PLB1: variants seen among roughly 807,000 people sequenced by gnomAD.
The protein encoded by PLB1 is phospholipase B1, membrane-associated.
In PLB1, 242 loss-of-function variants were observed where a neutral mutation model predicts 227.4. The observed-to-expected ratio is 1.06, with a 90% CI of 0.96 to 1.18. PLB1 has a LOEUF of 1.18. PLB1 is among the 50% of genes most tolerant of loss of function. The probability of loss-of-function intolerance (pLI) is 0.00; values close to 1 mark genes in which losing one functional copy is unlikely to be tolerated. For missense variants in PLB1, 1,858 were observed against 1,816.3 expected (o/e 1.02, Z -0.42); for synonymous variants, 757 against 682.2 (o/e 1.11, Z -1.71).
chr2:28,545,067 C>T (rs367938523), intron 14 of PLB1, among the ~76,000 whole-genome samples: 43 of 152,282 alleles, frequency 2.8e-4, no homozygotes, highest in African/African-American at 9.6e-4. Context: ...ACCCCACGTA[C>T]GGTCTCTTAA....
chr2:28,627,970 G>A (rs1386246148), intron 51 of PLB1, among the ~76,000 whole-genome samples: 2 of 152,168 alleles, frequency 1.3e-5, no homozygotes, highest in Non-Finnish European at 2.9e-5. Flanking sequence ...ATAAAGCAAA[G>A]CCCTGAGATT....
At chr2:28,617,680 C>A in intron 44 of PLB1, 47 bp from the exon 45 acceptor site, 1 of 1,579,866 alleles carries the variant, frequency 6.3e-7, no homozygotes, top group East Asian at 2.2e-5. Context: ...GCTTATCTCC[C>A]TGCACAATGA....
At chr2:28,554,292 T>C (rs947026323) in intron 17 of PLB1, among the ~76,000 whole-genome samples, 1 of 139,670 alleles carries the variant, frequency 7.2e-6, no homozygotes, top group Non-Finnish European at 1.5e-5. Context: ...TTTATATAGA[T>C]AGATGTGTGT....
chr2:28,584,897 G>A (rs180932452), intron 25 of PLB1, among the ~76,000 whole-genome samples: 17 of 152,302 alleles, frequency 1.1e-4, no homozygotes, highest in Non-Finnish European at 2.9e-5. Flanking sequence ...TCAAGTCCTA[G>A]CTCCCACACT....
intron 9 of PLB1, among the ~76,000 whole-genome samples, chr2:28,534,509 A>G (rs966248696): frequency 6.6e-6 from 1 of 152,248 alleles, no homozygotes; most frequent in Non-Finnish European, 1.5e-5. Flanking sequence ...CTATATGGAT[A>G]CTTGTACTGG....
At chr2:28,586,628 C>T (rs574709252) in intron 26 of PLB1, among the ~76,000 whole-genome samples, 1 of 152,344 alleles carries the variant, frequency 6.6e-6, no homozygotes, top group East Asian at 1.9e-4. Context: ...GCAGCTAGAC[C>T]TGCCAGGTAT....
intron 9 of PLB1, among the ~76,000 whole-genome samples, chr2:28,536,318 CA>C (rs1671672458): frequency 6.6e-6 from 1 of 152,322 alleles, no homozygotes; most frequent in Non-Finnish European, 1.5e-5. Flanking sequence ...TGGCTCACAG[CA>C]GTGACCTGAG....
chr2:28,559,448 A>C (rs764627176), intron 17 of PLB1, among the ~76,000 whole-genome samples: 1 of 152,210 alleles, frequency 6.6e-6, no homozygotes, highest in African/African-American at 2.4e-5. Flanking sequence ...GTATCCTTTC[A>C]TAGGAAGAGG....
intron 20 of PLB1, among the ~76,000 whole-genome samples, chr2:28,572,627 C>T (rs761490324): frequency 1.3e-4 from 20 of 152,130 alleles, no homozygotes; most frequent in Non-Finnish European, 2.5e-4. Context: ...GAAAACCGTA[C>T]GCTAAGGGAA....
intron 23 of PLB1, among the ~76,000 whole-genome samples, chr2:28,581,547 A>G (rs1680014260): frequency 7.7e-6 from 1 of 129,460 alleles, no homozygotes; most frequent in Admixed American, 7.8e-5. Context: ...AATTAAAAAA[A>G]GAGGCATAGG....
At chr2:28,631,900 A>G (rs1361019466) in intron 54 of PLB1, 136 bp from the exon 55 acceptor site, 1 of 685,578 alleles carries the variant, frequency 1.5e-6, no homozygotes, top group Non-Finnish European at 2.6e-6. Flanking sequence ...TTTGCATCCC[A>G]CTAGAGTAGC....
intron 6 of PLB1, 150 bp downstream of exon 6, chr2:28,526,095 G>A (rs1670224573): frequency 2.3e-6 from 2 of 870,664 alleles, no homozygotes; most frequent in Admixed American, 5.3e-5. Flanking sequence ...GGACAGATCA[G>A]GAAGCCAGGA....
chr2:28,547,600 G>A (rs1011765991), intron 14 of PLB1, among the ~76,000 whole-genome samples: 3 of 152,304 alleles, frequency 2.0e-5, no homozygotes, highest in African/African-American at 4.8e-5. Flanking sequence ...TAGAAGCTGT[G>A]ACTGAGCCAG....
intron 56 of PLB1, among the ~76,000 whole-genome samples, chr2:28,637,069 A>C (rs913034588): frequency 6.6e-6 from 1 of 152,078 alleles, no homozygotes; most frequent in African/African-American, 2.4e-5. Flanking sequence ...CGAGGCAGGC[A>C]GATCCCCTGA....
chr2:28,540,206 ATTC>A (rs1163541645), intron 11 of PLB1, among the ~76,000 whole-genome samples, 157 bp from the exon 12 acceptor site: 1 of 151,266 alleles, frequency 6.6e-6, no homozygotes, highest in Non-Finnish European at 1.5e-5. Flanking sequence ...CCCACCCTCT[ATTC>A]TTCTCAACAT....
At chr2:28,577,184 G>A (rs896955008) in intron 21 of PLB1, among the ~76,000 whole-genome samples, 1 of 152,202 alleles carries the variant, frequency 6.6e-6, no homozygotes, top group Non-Finnish European at 1.5e-5. Flanking sequence ...AGGTCTCAGA[G>A]CTGGTCATTT....
intron 31 of PLB1, 58 bp downstream of exon 31, chr2:28,591,818 G>C (rs1338102224): frequency 9.9e-5 from 151 of 1,530,764 alleles, no homozygotes; most frequent in Non-Finnish European, 8.8e-5. Flanking sequence ...TGCTATGCTG[G>C]TGAGTCCTCT....
chr2:28,597,229 A>G (rs1054631009), intron 33 of PLB1, among the ~76,000 whole-genome samples: 17 of 145,176 alleles, frequency 1.2e-4, no homozygotes, highest in Admixed American at 3.6e-4. Flanking sequence ...ACACCACTGC[A>G]CTCCAGCCTG....
intron 14 of PLB1, 127 bp downstream of exon 14, chr2:28,543,395 C>T: frequency 3.1e-6 from 3 of 956,186 alleles, no homozygotes; most frequent in South Asian, 3.4e-5. Flanking sequence ...TCTGGGCCAC[C>T]AGGGATGCTT....
Sources: allele counts gnomAD v4.1 joint callset (sites outside exome capture counted in the v4.1 genomes callset), GRCh38; gene constraint gnomAD v4.1.1; transcripts MANE v1.5; gene names NCBI Gene and HGNC (gene_info 2026-07-23, HGNC 2026-07-21).